The following DAB1 variants were observed in gnomAD, a reference collection of about 807,000 sequenced individuals.
DAB1 encodes the protein DAB adaptor protein 1, also known as disabled homolog 1.
A neutral mutation model predicts 64.6 loss-of-function variants in DAB1; 15 were observed. The observed-to-expected ratio is 0.23, with a 90% confidence interval of 0.16 to 0.36. The LOEUF (loss-of-function observed/expected upper bound fraction) is 0.36, where lower values mean the gene tolerates loss of function less well. Among genes scored for constraint, DAB1 ranks in the 10% least tolerant of loss-of-function variants. DAB1 has a pLI of 1.00. For synonymous variants in DAB1, 235 were observed against 251.9 expected (o/e 0.93, Z 0.64); for missense variants, 596 against 706.7 (o/e 0.84, Z 1.78).
intron 7 of DAB1, among the ~76,000 whole-genome samples, chr1:57,453,639 TAAC>T (rs1194056236): frequency 6.6e-6 from 1 of 152,170 alleles, no homozygotes; most frequent in African/African-American, 2.4e-5. Context: ...AAAAATAGGA[TAAC>T]AACAGAAATT....
chr1:57,703,542 G>T (rs1646931924), intron 6 of DAB1, among the ~76,000 whole-genome samples: 1 of 152,044 alleles, frequency 6.6e-6, no homozygotes, highest in South Asian at 2.1e-4. Flanking sequence ...TAAAACAGAT[G>T]CTGGGAAAGT....
intron 5 of DAB1, among the ~76,000 whole-genome samples, chr1:58,104,177 A>C (rs562671371): frequency 5.3e-5 from 8 of 152,314 alleles, no homozygotes; most frequent in African/African-American, 1.9e-4. Context: ...AAGCCTCCCC[A>C]CCGGGTGGTG....
chr1:58,250,280 G>T (rs569098941), intron 4 of DAB1, among the ~76,000 whole-genome samples: 1 of 152,330 alleles, frequency 6.6e-6, no homozygotes, highest in East Asian at 1.9e-4. Flanking sequence ...CAGCCCTCTC[G>T]ACTCATCCTC....
intron 3 of DAB1, among the ~76,000 whole-genome samples, chr1:58,495,848 T>C (rs1379039434): frequency 6.6e-6 from 1 of 152,306 alleles, no homozygotes; most frequent in East Asian, 1.9e-4. Context: ...ATATCTTCCT[T>C]ATGCTTATGA....
intron 2 of DAB1, among the ~76,000 whole-genome samples, chr1:57,147,490 G>C (rs932752548): frequency 6.6e-6 from 1 of 152,080 alleles, no homozygotes; most frequent in South Asian, 2.1e-4. Context: ...AAGCCTTTGA[G>C]TAATATTCCA....
At chr1:57,478,644 G>A (rs952019696) in intron 7 of DAB1, among the ~76,000 whole-genome samples, 1 of 143,058 alleles carries the variant, frequency 7.0e-6, no homozygotes, top group African/African-American at 2.7e-5. Context: ...CCAGGCTGAG[G>A]TGCAATGGCA....
At chr1:57,851,480 C>T (rs941170824) in intron 1 of DAB1, among the ~76,000 whole-genome samples, 9 of 152,122 alleles carry the variant, frequency 5.9e-5, no homozygotes, top group African/African-American at 1.4e-4. Flanking sequence ...TTTTGTCTGG[C>T]GGAGAGAAGA....
At chr1:57,055,512 C>A (rs774159443) in intron 9 of DAB1, among the ~76,000 whole-genome samples, 3 of 152,186 alleles carry the variant, frequency 2.0e-5, no homozygotes, top group Non-Finnish European at 4.4e-5. Context: ...AGAGATGGAA[C>A]CAGCTTTCCA....
At chr1:57,416,686 T>C (rs930328497) in intron 1 of DAB1, among the ~76,000 whole-genome samples, 5 of 152,210 alleles carry the variant, frequency 3.3e-5, no homozygotes, top group Non-Finnish European at 7.4e-5. Flanking sequence ...AGAATTTCAA[T>C]ATTGTCTATG....
chr1:57,255,390 G>A (rs1040343375), intron 2 of DAB1, among the ~76,000 whole-genome samples: 2 of 152,146 alleles, frequency 1.3e-5, no homozygotes, highest in African/African-American at 4.8e-5. Context: ...GGCCAGGTGA[G>A]GTGGCTCATG....
chr1:57,150,790 C>T lies in DAB1; in HGVS notation c.68-5361G>A, dbSNP rs61765331. Among the ~76,000 whole-genome samples the T allele has an allele frequency of 7.7e-3, 1,179 of 152,210 alleles. 17 individuals carry two copies. The highest frequency in any genetic ancestry group is 0.066 in the East Asian group (343 of 5,174). On this transcript the variant is annotated intron_variant, in intron 2 of 14. Transcript: ENST00000371236. ...AAAATGTACAAGGATATTTGGAGAACAGTGAGTAGTTGGCTTAGACTGTTT... is the reference window on the plus strand; with the variant it reads ...AAAATGTACAAGGATATTTGGAGAATAGTGAGTAGTTGGCTTAGACTGTTT...
At chr1:57,435,908 T>A (rs1021504278) in intron 7 of DAB1, among the ~76,000 whole-genome samples, 1 of 151,440 alleles carries the variant, frequency 6.6e-6, no homozygotes, top group Non-Finnish European at 1.5e-5. Flanking sequence ...TAGACTTTTT[T>A]TTTCTTTCTT....
intron 4 of DAB1, among the ~76,000 whole-genome samples, chr1:58,312,052 G>A (rs561416169): frequency 4.5e-4 from 68 of 152,218 alleles, no homozygotes; most frequent in Non-Finnish European, 7.9e-4. Flanking sequence ...TGAGATAAAG[G>A]AAGCAAGAAA....
intron 3 of DAB1, among the ~76,000 whole-genome samples, chr1:58,448,214 C>CA (rs1432545416): frequency 6.6e-6 from 1 of 152,122 alleles, no homozygotes; most frequent in Non-Finnish European, 1.5e-5. Flanking sequence ...CAGTTGTTGG[C>CA]AAAATAAAGG....
intron 1 of DAB1, among the ~76,000 whole-genome samples, chr1:57,339,142 T>C (rs970077549): frequency 3.3e-5 from 5 of 151,710 alleles, no homozygotes; most frequent in African/African-American, 1.2e-4. Flanking sequence ...TCTTTCTTTT[T>C]TTTTTTTAAT....
At chr1:57,813,274 C>A (rs1275535889) in intron 6 of DAB1, among the ~76,000 whole-genome samples, 3 of 152,184 alleles carry the variant, frequency 2.0e-5, no homozygotes, top group Non-Finnish European at 2.9e-5. Context: ...ATAATCAATT[C>A]TTAAGAACCA....
chr1:57,048,538 G>A (rs568820834), intron 9 of DAB1, among the ~76,000 whole-genome samples: 158 of 152,216 alleles, frequency 1.0e-3, no homozygotes, highest in African/African-American at 3.3e-3. Flanking sequence ...CCTGAAAAAC[G>A]TCCTCGTCTG....
At chr1:58,074,819 G>T (rs1187980540) in intron 5 of DAB1, among the ~76,000 whole-genome samples, 5 of 152,008 alleles carry the variant, frequency 3.3e-5, no homozygotes, top group African/African-American at 1.2e-4. Context: ...GGTTTAGGGA[G>T]ATAAGGAAAG....
At chr1:57,028,930 A>T (rs1217545902) in intron 9 of DAB1, among the ~76,000 whole-genome samples, 1 of 152,196 alleles carries the variant, frequency 6.6e-6, no homozygotes, top group East Asian at 1.9e-4. Flanking sequence ...TAGAAAAAAA[A>T]AATTTCTGGG....
Sources: allele counts gnomAD v4.1 joint callset (sites outside exome capture counted in the v4.1 genomes callset), GRCh38; gene constraint gnomAD v4.1.1; transcripts MANE v1.5; gene names NCBI Gene and HGNC (gene_info 2026-07-23, HGNC 2026-07-21).